Variants in H1-5 observed in about 807,000 individuals in gnomAD.
H1-5 encodes the protein histone H1.5.
H1-5 carries 3 observed loss-of-function variants against 4.6 expected under a neutral mutation model. That is an observed-to-expected ratio of 0.65 (90% CI 0.30 to 1.68). H1-5 has a LOEUF of 1.68. H1-5 is among the 40% of genes most tolerant of loss of function. The pLI is 0.10. For missense variants in H1-5, 521 were observed against 287.9 expected (o/e 1.81, Z -5.86); for synonymous variants, 250 against 123.4 (o/e 2.03, Z -6.80).
In H1-5 at chr6:27,867,573, G is replaced by C. The variant is rs777814625; in HGVS notation, c.-44C>G. 2 of 1,507,400 alleles carry C rather than the reference G, an allele frequency of 1.3e-6. No homozygotes were observed. Among genetic ancestry groups the C allele is most frequent in the South Asian group, 1.4e-5 (1 of 73,502 alleles). 93.4% of individuals were successfully genotyped at this position (1,507,400 alleles called of 1,614,324 possible). The stretch of plus-strand genomic sequence containing the variant: ...GAAGAGAATAAGCTCGAAATCTAAA[G>C]AGCAGGTTTTGCGTTGCTGCTATGC... On this transcript the variant is annotated 5_prime_UTR_variant, in exon 1 of 1. Transcript: ENST00000331442.
Position 27,867,047 on chromosome 6 carries a change from C to G in H1-5, c.483G>C (p.Lys161Asn). The G allele has an allele frequency of 6.2e-7, 1 of 1,613,884 alleles. No homozygotes were observed. The highest frequency in any genetic ancestry group is 8.5e-7 in the Non-Finnish European group (1 of 1,179,984). ...AVKKTPKKAK[K>N]PAAAGVKKVA... ...CCTTTTTGACGCCAGCCGCCGCGGG[C>G]TTCTTCGCCTTCTTCGGAGTCTTCT... Residue 161 changes from lysine (K) to asparagine (N), a missense_variant, in exon 1 of 1, where the codon AAG (lysine) becomes AAC (asparagine). Physicochemically the swap from Lys to Asn is moderately conservative, Grantham distance 94. Transcript: ENST00000331442.
Position 27,867,055 on chromosome 6 carries a change from C to T in H1-5, c.475G>A (p.Ala159Thr). The T allele has an allele frequency of 3.1e-6, 5 of 1,613,884 alleles. No individual in the cohort carries two copies. Among genetic ancestry groups the T allele is most frequent in the Non-Finnish European group, 4.2e-6 (5 of 1,179,964 alleles). The change falls in exon 1 of 1, where the codon GCG (alanine) becomes ACG (threonine). Residue 159 changes from alanine to threonine, a missense_variant. Coordinates refer to ENST00000331442, the MANE Select transcript of H1-5 (RefSeq NM_005322.3). The stretch of plus-strand genomic sequence containing the variant: ...ACGCCAGCCGCCGCGGGCTTCTTCG[C>T]CTTCTTCGGAGTCTTCTTCACTGCC... ...KKAVKKTPKK[A>T]KKPAAAGVKK...
In H1-5 at chr6:27,867,427, T is replaced by C. The variant is rs1761541744; in HGVS notation, c.103A>G (p.Lys35Glu). 2 of 1,611,078 alleles carry C rather than the reference T, an allele frequency of 1.2e-6. No individual in the cohort carries two copies. The highest frequency in any genetic ancestry group is 1.7e-5 in the Admixed American group (1 of 59,314). The change falls in exon 1 of 1, where the codon AAG becomes GAG. Residue 35 changes from lysine (K) to glutamate (E), a missense_variant. Lys to Glu is a moderately conservative substitution (Grantham distance 56). Transcript: ENST00000331442. ...TKKAAGAGAA[K>E]RKATGPPVSE... ...ACTGGGGGCCCCGTCGCTTTGCGCT[T>C]AGCAGCGCCGGCGCCGGCAGCCTTC...
At position 27,866,817 on chromosome 6, in the gene H1-5, G is replaced by C; in HGVS notation, c.*32C>G. On this transcript the variant is annotated 3_prime_UTR_variant, in exon 1 of 1. Transcript: ENST00000331442. ...TGGGTGGCTCTGAAAAGAGCCTTTG[G>C]GGCTTTGTTGCGGTTTTCACACGCC... is the stretch of plus-strand genomic sequence containing the variant. The C allele has an allele frequency of 6.5e-7, 1 of 1,543,096 alleles. No individual in the cohort carries two copies. Among genetic ancestry groups the C allele is most frequent in the Non-Finnish European group, 8.7e-7 (1 of 1,148,514 alleles).
rs373472194 is a variant in H1-5 at position 27,866,893 on chromosome 6, G to A, written c.637C>T (p.Pro213Ser). ...GCCTTCTTGGCCTTTGCAGCTTTAGGTTTTGCTGCTTTGGGCTTAGCGGCT... is the reference window on the plus strand; with the variant it reads ...GCCTTCTTGGCCTTTGCAGCTTTAGATTTTGCTGCTTTGGGCTTAGCGGCT... Reference protein sequence around the residue: ...PKAAKPKAAKPKAAKAKKAAA... With the variant: ...PKAAKPKAAKSKAAKAKKAAA... Residue 213 changes from proline to serine, a missense_variant, in exon 1 of 1, where the codon CCT (proline) becomes TCT (serine). Physicochemically the swap from Pro to Ser is moderately conservative, Grantham distance 74 (BLOSUM62 -1). Coordinates refer to ENST00000331442, the MANE Select transcript of H1-5 (RefSeq NM_005322.3). 6.2e-7 allele frequency: 1 copy of A among 1,607,662 alleles called. No individual in the cohort carries two copies. The highest frequency in any genetic ancestry group is 8.5e-7 in the Non-Finnish European group (1 of 1,178,346).
Position 27,867,410 on chromosome 6 carries a change from C to T in H1-5, c.120G>A (p.Gly40=), listed in dbSNP as rs571917264. 3.1e-4 allele frequency: 500 copies of T among 1,613,960 alleles called. 3 individuals are homozygous for T. The South Asian group carries it at 4.7e-3, about 15-fold the overall frequency. The change falls in exon 1 of 1, where the codon GGG becomes GGA. Residue 40 remains glycine (G), a synonymous_variant. Transcript: ENST00000331442. The part of the protein sequence containing the change: ...GAGAAKRKAT[G]PPVSELITKA... ...TGGTGATCAGCTCTGAGACTGGGGG[C>T]CCCGTCGCTTTGCGCTTAGCAGCGC... is the stretch of plus-strand genomic sequence containing the variant.
rs1230497255 is a variant in H1-5, at chr6:27,867,144, G to A, written c.386C>T (p.Ala129Val). The change falls in exon 1 of 1, where the codon GCT becomes GTT. Residue 129 changes from alanine to valine, a missense_variant. Transcript: ENST00000331442. ...AKPKAKKAGA[A>V]KAKKPAGATP... The stretch of plus-strand genomic sequence containing the variant: ...GGCCCCCGCGGGCTTCTTAGCTTTA[G>A]CGGCGCCTGCCTTCTTGGCTTTGGG... 1.2e-6 allele frequency: 2 copies of A among 1,614,168 alleles called. No individual in the cohort carries two copies. The highest frequency in any genetic ancestry group is 1.1e-5 in the South Asian group (1 of 91,080).
chr6:27,867,409 G>A lies in H1-5; in HGVS notation c.121C>T (p.Pro41Ser), dbSNP rs200127320. The A allele has an allele frequency of 2.5e-6, 4 of 1,613,946 alleles. No individual in the cohort carries two copies. The highest frequency in any genetic ancestry group is 1.1e-5 in the South Asian group (1 of 91,076). ...TTGGTGATCAGCTCTGAGACTGGGG[G>A]CCCCGTCGCTTTGCGCTTAGCAGCG... is the stretch of plus-strand genomic sequence containing the variant. ...AGAAKRKATGPPVSELITKAV... is the reference protein window; with the variant it reads ...AGAAKRKATGSPVSELITKAV... Residue 41 changes from proline (P) to serine (S), a missense_variant, in exon 1 of 1, where the codon CCC (proline) becomes TCC (serine). Physicochemically the swap from Pro to Ser is moderately conservative, Grantham distance 74. Transcript: ENST00000331442.
Position 27,866,897 on chromosome 6 carries a change from TGCTGCTTTGGGCTTA to T in H1-5, c.618_632del (p.Pro213_Lys217del). The T allele has an allele frequency of 6.2e-7, 1 of 1,608,268 alleles. No individual in the cohort carries two copies. Among genetic ancestry groups the T allele is most frequent in the Admixed American group, 1.7e-5 (1 of 58,202 alleles). On this transcript the variant is annotated inframe_deletion, in exon 1 of 1. Coordinates refer to ENST00000331442, the MANE Select transcript of H1-5 (RefSeq NM_005322.3). ...TCTTGGCCTTTGCAGCTTTAGGTTT[TGCTGCTTTGGGCTTA>T]GCGGCTTTGGGCTTTGCCGCCTTCG... is the stretch of plus-strand genomic sequence containing the variant.
chr6:27,867,167 G>C lies in H1-5; in HGVS notation c.363C>G (p.Pro121=), dbSNP rs1398850143. ...NKKAASGEAK[P]KAKKAGAAKA... is the part of the protein sequence containing the mutation. ...TAGCGGCGCCTGCCTTCTTGGCTTT[G>C]GGCTTGGCTTCCCCGGAGGCCGCCT... Residue 121 remains proline (P), a synonymous_variant, in exon 1 of 1, where the codon CCC becomes CCG. Transcript: ENST00000331442. The C allele has an allele frequency of 6.2e-7, 1 of 1,614,166 alleles. No individual in the cohort carries two copies. The highest frequency in any genetic ancestry group is 8.5e-7 in the Non-Finnish European group (1 of 1,180,008).
Position 27,867,106 on chromosome 6 carries a change from C to A in H1-5, c.424G>T (p.Ala142Ser). Residue 142 changes from alanine to serine, a missense_variant, in exon 1 of 1, where the codon GCC becomes TCC. By Grantham distance (99) the Ala-to-Ser change is moderately conservative. Transcript: ENST00000331442. ...KKPAGATPKK[A>S]KKAAGAKKAV... ...TTTTTCGCCCCTGCAGCCTTCTTGG[C>A]CTTCTTAGGCGTGGCCCCCGCGGGC... 1 of 1,614,046 alleles carries A rather than the reference C, an allele frequency of 6.2e-7. No individual in the cohort carries two copies. The highest frequency in any genetic ancestry group is 8.5e-7 in the Non-Finnish European group (1 of 1,179,938).
rs759737606 is a variant in H1-5, at chr6:27,867,519, G to A, written c.11C>T (p.Thr4Ile). The A allele has an allele frequency of 3.9e-6, 6 of 1,544,494 alleles. No individual in the cohort carries two copies. In the African/African-American group the frequency reaches 4.2e-5, roughly 11 times the overall value. Residue 4 changes from threonine (T) to isoleucine (I), a missense_variant, in exon 1 of 1, where the codon ACC becomes ATC. Thr to Ile is a moderately conservative substitution (Grantham distance 89). Transcript: ENST00000331442. ...TGGGGTGGCTGTCTCGGCAGGAGCG[G>A]TTTCCGACATGGTGGCAAGAAACTG... The part of the protein sequence containing the change: MSE[T>I]APAETATPAP...
At position 27,866,927 on chromosome 6, in the gene H1-5, TGCC is replaced by T. The variant is rs755333139; in HGVS notation, c.600_602del (p.Ala201del). On this transcript the variant is annotated inframe_deletion, in exon 1 of 1. Transcript: ENST00000331442. The stretch of plus-strand genomic sequence containing the variant: ...CTTTGGGCTTAGCGGCTTTGGGCTT[TGCC>T]GCCTTCGGCTTAACTGCCTTGGGCT... 11 of 1,613,936 alleles carry T rather than the reference TGCC, an allele frequency of 6.8e-6. No individual in the cohort carries two copies. In the Admixed American group the frequency reaches 1.8e-4, roughly 27 times the overall value.
Position 27,867,481 on chromosome 6 carries a change from T to C in H1-5, c.49A>G (p.Lys17Glu). ...AETATPAPVE[K>E]SPAKKKATKK... ...GTTGCCTTCTTCTTAGCCGGGGATT[T>C]CTCCACCGGCGCTGGGGTGGCTGTC... Residue 17 changes from lysine (K) to glutamate (E), a missense_variant, in exon 1 of 1, where the codon AAA (lysine) becomes GAA (glutamate). By Grantham distance (56) the Lys-to-Glu change is moderately conservative. Transcript: ENST00000331442. 1 of 1,585,688 alleles carries C rather than the reference T, an allele frequency of 6.3e-7. No individual in the cohort carries two copies.
Position 27,867,181 on chromosome 6 carries a change from C to G in H1-5, c.349G>C (p.Gly117Arg). ...SFKLNKKAASGEAKPKAKKAG... is the reference protein window; with the variant it reads ...SFKLNKKAASREAKPKAKKAG... ...TTCTTGGCTTTGGGCTTGGCTTCCCCGGAGGCCGCCTTCTTGTTGAGTTTA... is the reference window on the plus strand; with the variant it reads ...TTCTTGGCTTTGGGCTTGGCTTCCCGGGAGGCCGCCTTCTTGTTGAGTTTA... The change falls in exon 1 of 1, where the codon GGG becomes CGG. Residue 117 changes from glycine to arginine, a missense_variant. Gly to Arg is a moderately radical substitution (Grantham distance 125). Coordinates refer to ENST00000331442, the MANE Select transcript of H1-5 (RefSeq NM_005322.3). The G allele has an allele frequency of 6.2e-7, 1 of 1,614,200 alleles. No individual in the cohort carries two copies. Among genetic ancestry groups the G allele is most frequent in the Non-Finnish European group, 8.5e-7 (1 of 1,180,028 alleles).
At position 27,867,449 on chromosome 6, in the gene H1-5, C is replaced by T. The variant is rs767753868; in HGVS notation, c.81G>A (p.Lys27=). The change falls in exon 1 of 1, where the codon AAG becomes AAA. Residue 27 remains lysine, a synonymous_variant. Transcript: ENST00000331442. ...KSPAKKKATK[K]AAGAGAAKRK... is the part of the protein sequence containing the mutation. ...GCTTAGCAGCGCCGGCGCCGGCAGC[C>T]TTCTTAGTTGCCTTCTTCTTAGCCG... 6 of 1,608,266 alleles carry T rather than the reference C, an allele frequency of 3.7e-6. 1 individual carries two copies. Among genetic ancestry groups the T allele is most frequent in the East Asian group, 2.2e-5 (1 of 44,824 alleles).
rs1268728171 is a variant in H1-5 at position 27,866,884 on chromosome 6, C to T, written c.646G>A (p.Ala216Thr). 1.2e-6 allele frequency: 2 copies of T among 1,600,798 alleles called. No homozygotes were observed. Among genetic ancestry groups the T allele is most frequent in the East Asian group, 2.2e-5 (1 of 44,836 alleles). ...AKPKAAKPKA[A>T]KAKKAAAKKK Reference sequence around the variant, plus strand: ...TTGGCAGCCGCCTTCTTGGCCTTTGCAGCTTTAGGTTTTGCTGCTTTGGGC... The same window carrying T: ...TTGGCAGCCGCCTTCTTGGCCTTTGTAGCTTTAGGTTTTGCTGCTTTGGGC... Residue 216 changes from alanine to threonine, a missense_variant, in exon 1 of 1, where the codon GCA becomes ACA. Ala to Thr is a moderately conservative substitution (Grantham distance 58). Transcript: ENST00000331442.
rs557184683 is a variant in H1-5 at position 27,866,883 on chromosome 6, G to C, written c.647C>G (p.Ala216Gly). 2.5e-6 allele frequency: 4 copies of C among 1,600,934 alleles called. No homozygotes were observed. In the East Asian group the frequency reaches 6.7e-5, roughly 27 times the overall value. ...AKPKAAKPKA[A>G]KAKKAAAKKK is the part of the protein sequence containing the mutation. ...TTTGGCAGCCGCCTTCTTGGCCTTT[G>C]CAGCTTTAGGTTTTGCTGCTTTGGG... is the stretch of plus-strand genomic sequence containing the variant. Residue 216 changes from alanine to glycine, a missense_variant, in exon 1 of 1, where the codon GCA becomes GGA. Coordinates refer to ENST00000331442, the MANE Select transcript of H1-5 (RefSeq NM_005322.3).
In H1-5 at chr6:27,867,561, T is replaced by A; in HGVS notation, c.-32A>T. ...AAGAAACTGCTAGAAGAGAATAAGCTCGAAATCTAAAGAGCAGGTTTTGCG... is the reference window on the plus strand; with the variant it reads ...AAGAAACTGCTAGAAGAGAATAAGCACGAAATCTAAAGAGCAGGTTTTGCG... On this transcript the variant is annotated 5_prime_UTR_variant, in exon 1 of 1. Coordinates refer to ENST00000331442, the MANE Select transcript of H1-5 (RefSeq NM_005322.3). 1 of 1,516,938 alleles carries A rather than the reference T, an allele frequency of 6.6e-7. No homozygotes were observed. The highest frequency in any genetic ancestry group is 8.8e-7 in the Non-Finnish European group (1 of 1,135,144). 94.0% of individuals were successfully genotyped at this position (1,516,938 alleles called of 1,614,324 possible).
Sources: allele counts gnomAD v4.1 joint callset, GRCh38; gene constraint gnomAD v4.1.1; transcripts MANE v1.5; gene names NCBI Gene and HGNC (gene_info 2026-07-23, HGNC 2026-07-21).